CAVIN2: variants seen among roughly 807,000 people sequenced by gnomAD.
CAVIN2 encodes the protein caveolae associated protein 2.
CAVIN2 carries 13 observed loss-of-function variants against 11.7 expected under a neutral mutation model. The ratio of observed to expected loss-of-function variants is 1.11; its 90% confidence interval spans 0.72 to 1.77. CAVIN2 has a LOEUF of 1.77. Among genes scored for constraint, CAVIN2 ranks in the 40% most tolerant of loss-of-function variants. The pLI is 0.00. For synonymous variants in CAVIN2, 237 were observed against 223.2 expected, an observed-to-expected ratio of 1.06 and a Z score of -0.55; for missense variants, 549 against 542.9, an observed-to-expected ratio of 1.01 and a Z score of -0.11.
chr2:191,837,455 T>C (rs1267493069), intron 1 of CAVIN2, among the ~76,000 whole-genome samples: 1 of 152,158 alleles, frequency 6.6e-6, no homozygotes, highest in African/African-American at 2.4e-5. Flanking sequence ...CTGCCAGCCA[T>C]AGTTTATCAA....
In CAVIN2 at chr2:191,834,363, C is replaced by T. The variant is rs761967133; in HGVS notation, c.*1560G>A. 2 of 152,058 alleles carry T rather than the reference C, an allele frequency of 1.3e-5. No individual in the cohort carries two copies. Among genetic ancestry groups the T allele is most frequent in the Non-Finnish European group, 2.9e-5 (2 of 67,984 alleles). The allele number at this position is 152,058 out of a possible 1,614,324, so 9.4% of individuals were successfully genotyped here. On this transcript the variant is annotated 3_prime_UTR_variant, in exon 2 of 2. Transcript: ENST00000304141. ...TTCTTTAACACAGCCATTGTTGGTT[C>T]AACAATCCAATATTTGAGGTTACAT... is the stretch of plus-strand genomic sequence containing the variant.
intron 1 of CAVIN2, among the ~76,000 whole-genome samples, chr2:191,840,127 A>G (rs1690073434): frequency 6.6e-6 from 1 of 152,210 alleles, no homozygotes; most frequent in Non-Finnish European, 1.5e-5. Context: ...TCATATGCCT[A>G]TAAGCAAGGT....
At position 191,835,694 on chromosome 2, in the gene CAVIN2, A is replaced by T. The variant is rs1202619881; in HGVS notation, c.*229T>A. On this transcript the variant is annotated 3_prime_UTR_variant, in exon 2 of 2. Transcript: ENST00000304141. Reference sequence around the variant, plus strand: ...CTCAGTTTCTTCTTCAATCTTGGAGACATTCTACAGAGATAGAACCTAAGA... The same window carrying T: ...CTCAGTTTCTTCTTCAATCTTGGAGTCATTCTACAGAGATAGAACCTAAGA... 5 of 483,446 alleles carry T rather than the reference A, an allele frequency of 1.0e-5. No individual in the cohort carries two copies. In the East Asian group the frequency reaches 1.2e-4, roughly 12 times the overall value. The allele number at this position is 483,446 out of a possible 1,614,324, so 29.9% of individuals were successfully genotyped here. A position where few individuals can be genotyped will look rare whatever the true frequency, so the allele number is the denominator to read the frequency against.
At chr2:191,840,944 C>T (rs1314594774) in intron 1 of CAVIN2, among the ~76,000 whole-genome samples, 2 of 152,164 alleles carry the variant, frequency 1.3e-5, no homozygotes, top group Non-Finnish European at 2.9e-5. Context: ...AAATTTGTGT[C>T]CATGGAATAT....
Position 191,834,689 on chromosome 2 carries a change from T to C in CAVIN2, c.*1234A>G, listed in dbSNP as rs1290932899. On this transcript the variant is annotated 3_prime_UTR_variant, in exon 2 of 2. Transcript: ENST00000304141. Reference sequence around the variant, plus strand: ...GTCTGAATATATGTGTACATATACATAAAACGCTAGCATGCTTTAAGAAGT... The same window carrying C: ...GTCTGAATATATGTGTACATATACACAAAACGCTAGCATGCTTTAAGAAGT... 1 of 152,170 alleles carries C rather than the reference T, an allele frequency of 6.6e-6. No individual in the cohort carries two copies. The highest frequency in any genetic ancestry group is 1.5e-5 in the Non-Finnish European group (1 of 67,986). 9.4% of individuals were successfully genotyped at this position (152,170 alleles called of 1,614,324 possible). A position where few individuals can be genotyped will look rare whatever the true frequency, so the allele number is the denominator to read the frequency against.
intron 1 of CAVIN2, among the ~76,000 whole-genome samples, chr2:191,842,780 G>A (rs951322334): frequency 6.6e-6 from 1 of 152,222 alleles, no homozygotes; most frequent in African/African-American, 2.4e-5. Flanking sequence ...TAATTGCTAA[G>A]AAATTAGATG....
At chr2:191,843,343 C>T (rs1170773282) in intron 1 of CAVIN2, among the ~76,000 whole-genome samples, 1 of 152,198 alleles carries the variant, frequency 6.6e-6, no homozygotes, top group Admixed American at 6.5e-5. Flanking sequence ...ATTTTCCTTT[C>T]TCGCTCTCTT....
rs1047898727 is a variant in CAVIN2, at chr2:191,846,371, A to C, written c.483+72T>G. 4.0e-6 allele frequency: 6 copies of C among 1,482,274 alleles called. No homozygotes were observed. The Admixed American group carries it at 1.3e-4, about 32-fold the overall frequency. 91.8% of individuals were successfully genotyped at this position (1,482,274 alleles called of 1,614,324 possible). A position where few individuals can be genotyped will look rare whatever the true frequency, so the allele number is the denominator to read the frequency against. ...GGACAAATGTAAAAATGGCTGTGAG[A>C]GCCAGGATGAGCGAGATCAAGAATG... is the stretch of plus-strand genomic sequence containing the variant. On this transcript the variant is annotated intron_variant, in intron 1 of 1. Coordinates refer to ENST00000304141, the MANE Select transcript of CAVIN2 (RefSeq NM_004657.6).
chr2:191,844,289 C>T (rs192068549), intron 1 of CAVIN2, among the ~76,000 whole-genome samples: 71 of 152,302 alleles, frequency 4.7e-4, no homozygotes, highest in African/African-American at 1.7e-3. Flanking sequence ...AATTACTACT[C>T]TGGGGAAACT....
rs1169130523 is a variant in CAVIN2 at position 191,846,505 on chromosome 2, G to C, written c.421C>G (p.Arg141Gly). ...AGCTGGGCGTGGTTGTTCTCCAGCCGCTTCACCTGTGCGCACTGCCTATCC... is the reference window on the plus strand; with the variant it reads ...AGCTGGGCGTGGTTGTTCTCCAGCCCCTTCACCTGTGCGCACTGCCTATCC... The part of the protein sequence containing the change: ...RMDRQCAQVK[R>G]LENNHAQLLR... The change falls in exon 1 of 2, where the codon CGG (arginine) becomes GGG (glycine). Residue 141 changes from arginine to glycine, a missense_variant. By Grantham distance (125) the Arg-to-Gly change is moderately radical. Transcript: ENST00000304141. 3 of 1,614,104 alleles carry C rather than the reference G, an allele frequency of 1.9e-6. No individual in the cohort carries two copies. The highest frequency in any genetic ancestry group is 3.3e-5 in the Admixed American group (2 of 60,018).
Position 191,847,011 on chromosome 2 carries a change from G to A in CAVIN2, c.-86C>T. The A allele has an allele frequency of 2.0e-6, 3 of 1,497,590 alleles. No individual in the cohort carries two copies. In the South Asian group the frequency reaches 4.0e-5, roughly 20 times the overall value. 92.8% of individuals were successfully genotyped at this position (1,497,590 alleles called of 1,614,324 possible). A position where few individuals can be genotyped will look rare whatever the true frequency, so the allele number is the denominator to read the frequency against. ...TGCGGTGGTGAGGGTGTAGGATGAGGCCCGCTGGTTGGAGCTCAGGGCACC... is the reference window on the plus strand; with the variant it reads ...TGCGGTGGTGAGGGTGTAGGATGAGACCCGCTGGTTGGAGCTCAGGGCACC... On this transcript the variant is annotated 5_prime_UTR_variant, in exon 1 of 2. Coordinates refer to ENST00000304141, the MANE Select transcript of CAVIN2 (RefSeq NM_004657.6).
chr2:191,840,299 G>A (rs1690075519), intron 1 of CAVIN2, among the ~76,000 whole-genome samples: 1 of 152,178 alleles, frequency 6.6e-6, no homozygotes, highest in African/African-American at 2.4e-5. Flanking sequence ...AGGGTTCGTA[G>A]CTCCTGAAAA....
Position 191,836,377 on chromosome 2 carries a change from A to G in CAVIN2, c.824T>C (p.Leu275Pro), listed in dbSNP as rs1331970630. 4 of 1,614,028 alleles carry G rather than the reference A, an allele frequency of 2.5e-6. No homozygotes were observed. The highest frequency in any genetic ancestry group is 3.4e-6 in the Non-Finnish European group (4 of 1,180,034). The change falls in exon 2 of 2, where the codon CTC (leucine) becomes CCC (proline). Residue 275 changes from leucine (L) to proline (P), a missense_variant. Transcript: ENST00000304141. ...GGATATTTTCTGGTGATTTGACGTG[A>G]GAGATTTCTTAATCTTCTCTCTCCT... Reference protein sequence around the residue: ...VERREKIKKSLTSNHQKISSG... With the variant: ...VERREKIKKSPTSNHQKISSG...
chr2:191,843,193 A>G (rs1016635044), intron 1 of CAVIN2, among the ~76,000 whole-genome samples: 1 of 152,236 alleles, frequency 6.6e-6, no homozygotes, highest in Non-Finnish European at 1.5e-5. Flanking sequence ...CAAAGAAAAA[A>G]AAGAAAAAAA....
In CAVIN2 at chr2:191,835,961, C is replaced by A. The variant is rs1209249771; in HGVS notation, c.1240G>T (p.Val414Leu). 3 of 1,613,670 alleles carry A rather than the reference C, an allele frequency of 1.9e-6. No homozygotes were observed. The African/African-American group carries it at 4.0e-5, about 22-fold the overall frequency. Residue 414 changes from valine to leucine, a missense_variant, in exon 2 of 2, where the codon GTG (valine) becomes TTG (leucine). By Grantham distance (32) the Val-to-Leu change is conservative (BLOSUM62 1). Transcript: ENST00000304141. ...EEAERSDGDP[V>L]QPAVLQVHQT... is the part of the protein sequence containing the mutation. ...TGCACCTGGAGCACGGCGGGCTGCA[C>A]GGGGTCCCCATCGGAGCGCTCCGCC...
Position 191,843,045 on chromosome 2 carries a change from G to A in CAVIN2, c.483+3398C>T, listed in dbSNP as rs367985067. 1.2e-4 allele frequency among the ~76,000 whole-genome samples: 18 copies of A among 152,302 alleles called. No homozygotes were observed. In the East Asian group the frequency reaches 1.7e-3, roughly 15 times the overall value. On this transcript the variant is annotated intron_variant, in intron 1 of 1. Transcript: ENST00000304141. ...TTAAAAATACAAAAATGAGCTGGGC[G>A]TGGTGGCAGGGGCCTGTAATCCCAG...
rs766545768 is a variant in CAVIN2 at position 191,834,783 on chromosome 2, T to C, written c.*1140A>G. ...ATAATCTGGAATGAAATTCCCATTA[T>C]GTACAAAAAAAGAAAAAATAGAATC... On this transcript the variant is annotated 3_prime_UTR_variant, in exon 2 of 2. Coordinates refer to ENST00000304141, the MANE Select transcript of CAVIN2 (RefSeq NM_004657.6). The C allele has an allele frequency of 1.5e-4, 23 of 152,064 alleles. No individual in the cohort carries two copies. The highest frequency in any genetic ancestry group is 2.5e-4 in the Non-Finnish European group (17 of 67,964). The allele number at this position is 152,064 out of a possible 1,614,324, so 9.4% of individuals were successfully genotyped here. A position where few individuals can be genotyped will look rare whatever the true frequency, so the allele number is the denominator to read the frequency against.
At position 191,847,067 on chromosome 2, in the gene CAVIN2, G is replaced by GC; in HGVS notation, c.-143dup. The GC allele has an allele frequency of 2.0e-6, 2 of 1,019,582 alleles. No individual in the cohort carries two copies. The highest frequency in any genetic ancestry group is 2.8e-6 in the Non-Finnish European group (2 of 712,280). The allele number at this position is 1,019,582 out of a possible 1,614,324, so 63.2% of individuals were successfully genotyped here. A position where few individuals can be genotyped will look rare whatever the true frequency, so the allele number is the denominator to read the frequency against. On this transcript the variant is annotated 5_prime_UTR_variant, in exon 1 of 2. Transcript: ENST00000304141. ...CCAGGACTGGCAGAGGTTCAGACAG[G>GC]CAACAACTGGCTACGCTGATCAGGG...
In CAVIN2 at chr2:191,835,921, G is replaced by A. The variant is rs140515972; in HGVS notation, c.*2C>T. 1.1e-4 allele frequency: 183 copies of A among 1,609,114 alleles called. No individual in the cohort carries two copies. In the African/African-American group the frequency reaches 2.2e-3, roughly 19 times the overall value. ...GCACAGGATGGCACGGTGGCTCTAA[G>A]CTCAGGAGGTCTGGTGCACCTGGAG... On this transcript the variant is annotated 3_prime_UTR_variant, in exon 2 of 2. Coordinates refer to ENST00000304141, the MANE Select transcript of CAVIN2 (RefSeq NM_004657.6).
Sources: allele counts gnomAD v4.1 joint callset (sites outside exome capture counted in the v4.1 genomes callset), GRCh38; gene constraint gnomAD v4.1.1; transcripts MANE v1.5; gene names NCBI Gene and HGNC (gene_info 2026-07-23, HGNC 2026-07-21).